The following COL6A3 variants were observed in gnomAD, a reference collection of about 807,000 sequenced individuals.
COL6A3 encodes the protein collagen type VI alpha 3 chain.
A neutral mutation model predicts 274.1 loss-of-function variants in COL6A3; 137 were observed. That is an observed-to-expected ratio of 0.50 (90% CI 0.44 to 0.58). The LOEUF (loss-of-function observed/expected upper bound fraction) is 0.58, where lower values mean the gene tolerates loss of function less well. Ranked by LOEUF, COL6A3 falls within the 20% of genes least tolerant of loss-of-function variation. The pLI is 0.00. For synonymous variants in COL6A3, 1,650 were observed against 1,650.6 expected, an observed-to-expected ratio of 1.00 and a Z score of 0.01; for missense variants, 3,950 against 4,124.9, an observed-to-expected ratio of 0.96 and a Z score of 1.16.
Position 237,358,514 on chromosome 2 carries a change from T to C in COL6A3, c.6471+7A>G, listed in dbSNP as rs1231879885. The C allele has an allele frequency of 1.2e-6, 2 of 1,613,170 alleles. No individual in the cohort carries two copies. The highest frequency in any genetic ancestry group is 1.7e-6 in the Non-Finnish European group (2 of 1,179,140). On this transcript the variant is annotated splice_region_variant and intron_variant, in intron 21 of 43. Transcript: ENST00000295550. ...AGGTCTGAAATCGTCAATAAAGAAA[T>C]CTTTACCGGGTCCCCTCGAATCCCA...
intron 9 of COL6A3, 115 bp from the exon 10 acceptor site, chr2:237,369,292 C>G: frequency 7.1e-7 from 1 of 1,399,294 alleles, no homozygotes; most frequent in Non-Finnish European, 9.7e-7. Context: ...TCCCAAGATG[C>G]CTGTGTTGTT....
At chr2:237,358,157 G>T (rs1280462460) in intron 21 of COL6A3, among the ~76,000 whole-genome samples, 1 of 152,186 alleles carries the variant, frequency 6.6e-6, no homozygotes, top group Non-Finnish European at 1.5e-5. Flanking sequence ...GGCCACAGAG[G>T]CAGGATGGAC....
intron 3 of COL6A3, among the ~76,000 whole-genome samples, chr2:237,390,684 G>A (rs2078265698): frequency 6.6e-6 from 1 of 152,146 alleles, no homozygotes; most frequent in African/African-American, 2.4e-5. Context: ...ACTGGTGTGG[G>A]CACAATGCCT....
rs777383519 is a variant in COL6A3 at position 237,341,169 on chromosome 2, G to A, written c.7766-19C>T. 3.7e-6 allele frequency: 6 copies of A among 1,610,288 alleles called. No individual in the cohort carries two copies. Among genetic ancestry groups the A allele is most frequent in the Non-Finnish European group, 5.1e-6 (6 of 1,176,946 alleles). On this transcript the variant is annotated intron_variant, in intron 37 of 43. Transcript: ENST00000295550. ...CAGATGTCTAGAAAGAAGCATGGCA[G>A]CCTATTTGTTCTGTGACACCCACAG...
intron 13 of COL6A3, among the ~76,000 whole-genome samples, chr2:237,363,853 C>T (rs79129076): frequency 6.6e-6 from 1 of 152,186 alleles, no homozygotes; most frequent in Non-Finnish European, 1.5e-5. Context: ...TGCTACCAAA[C>T]GCCAAAGCAA....
Position 237,340,681 on chromosome 2 carries a change from G to T in COL6A3, c.8235C>A (p.Gly2745=), listed in dbSNP as rs534728020. The T allele has an allele frequency of 1.8e-5, 29 of 1,614,052 alleles. No individual in the cohort carries two copies. Among genetic ancestry groups the T allele is most frequent in the Middle Eastern group, 1.6e-4 (1 of 6,082 alleles). ...CCTCCAGCTGCTGCTCCGGCACCTC[G>T]CCCGTCAGCATCAGGACCACAATTT... ...DLKIVVLMLT[G]EVPEQQLEEA... Residue 2745 remains glycine (G), a synonymous_variant, in exon 38 of 44, where the codon GGC becomes GGA. Transcript: ENST00000295550.
intron 1 of COL6A3, among the ~76,000 whole-genome samples, chr2:237,400,635 A>T (rs1175740694): frequency 6.6e-6 from 1 of 152,050 alleles, no homozygotes; most frequent in South Asian, 2.1e-4. Context: ...TAAAAAAAAA[A>T]CAAAAAACCC....
rs569662223 is a variant in COL6A3 at position 237,344,662 on chromosome 2, G to A, written c.7356C>T (p.Asn2452=). 55 of 1,612,814 alleles carry A rather than the reference G, an allele frequency of 3.4e-5. No individual in the cohort carries two copies. Among genetic ancestry groups the A allele is most frequent in the Admixed American group, 2.3e-4 (14 of 59,954 alleles). The part of the protein sequence containing the change: ...GARVAVVTYN[N]EVTTEIRFAD... Reference sequence around the variant, plus strand: ...CAAACCGGATCTCCGTGGTCACCTCGTTGTTGTAGGTGACCACAGCCACCC... The same window carrying A: ...CAAACCGGATCTCCGTGGTCACCTCATTGTTGTAGGTGACCACAGCCACCC... Residue 2452 remains asparagine (N), a synonymous_variant, in exon 36 of 44, where the codon AAC becomes AAT. Coordinates refer to ENST00000295550, the MANE Select transcript of COL6A3 (RefSeq NM_004369.4). This position sits in a 1 kb window ranked among gnomAD's most constrained non-coding sequence, Gnocchi z 4.8.
chr2:237,388,039 C>T lies in COL6A3; in HGVS notation c.855G>A (p.Gln285=). 6.2e-7 allele frequency: 1 copy of T among 1,614,214 alleles called. No individual in the cohort carries two copies. The highest frequency in any genetic ancestry group is 8.5e-7 in the Non-Finnish European group (1 of 1,180,044). The change falls in exon 4 of 44, where the codon CAG becomes CAA. Residue 285 remains glutamine, a synonymous_variant. Transcript: ENST00000295550. The part of the protein sequence containing the change: ...GTQQIRVGVV[Q]FSDEPRTMFS... ...ACATGGTTCTGGGCTCATCGCTAAA[C>T]TGGACCACCCCCACTCGGATCTGCT...
At chr2:237,332,070 C>CAT (rs58082340) in intron 42 of COL6A3, among the ~76,000 whole-genome samples, 18 of 35,182 alleles carry the variant, frequency 5.1e-4, no homozygotes, top group Non-Finnish European at 7.7e-4. Context: ...TCTCTCTCTA[C>CAT]ATATATATAT....
In COL6A3 at chr2:237,363,245, A is replaced by C. The variant is rs1171003491; in HGVS notation, c.6063+8T>G. The C allele has an allele frequency of 1.9e-6, 3 of 1,614,086 alleles. No individual in the cohort carries two copies. Among genetic ancestry groups the C allele is most frequent in the Non-Finnish European group, 2.5e-6 (3 of 1,179,998 alleles). ...TGGTCTGTGTATAAAGACATAAAAAAAACTCACAAGCTGCTCCGCTAGTTC... is the reference window on the plus strand; with the variant it reads ...TGGTCTGTGTATAAAGACATAAAAACAACTCACAAGCTGCTCCGCTAGTTC... On this transcript the variant is annotated splice_region_variant and intron_variant, in intron 14 of 43. Coordinates refer to ENST00000295550, the MANE Select transcript of COL6A3 (RefSeq NM_004369.4).
chr2:237,365,861 T>C lies in COL6A3; in HGVS notation c.5675A>G (p.Asn1892Ser). The change falls in exon 12 of 44, where the codon AAC becomes AGC. Residue 1892 changes from asparagine to serine, a missense_variant. Coordinates refer to ENST00000295550, the MANE Select transcript of COL6A3 (RefSeq NM_004369.4). The stretch of plus-strand genomic sequence containing the variant: ...GGCCTCCACCGGGCCCGAGGGCGTG[T>C]TGGCCACCACTGACACACGCACGGT... ...SPTVRVSVVA[N>S]TPSGPVEAFD... is the part of the protein sequence containing the mutation. 1 of 1,614,188 alleles carries C rather than the reference T, an allele frequency of 6.2e-7. No individual in the cohort carries two copies. The highest frequency in any genetic ancestry group is 8.5e-7 in the Non-Finnish European group (1 of 1,180,038).
At chr2:237,331,740 T>G (rs1191130908) in intron 42 of COL6A3, among the ~76,000 whole-genome samples, 1 of 147,194 alleles carries the variant, frequency 6.8e-6, no homozygotes, top group Non-Finnish European at 1.5e-5. Context: ...AAAAAAAAGG[T>G]AATTTATGTC....
chr2:237,404,696 C>A (rs2078678931), intron 1 of COL6A3, among the ~76,000 whole-genome samples: 2 of 152,156 alleles, frequency 1.3e-5, no homozygotes, highest in South Asian at 4.1e-4. Context: ...CATTCCCATA[C>A]CTCACACAGT....
At chr2:237,370,375 A>G (rs560264361) in intron 9 of COL6A3, among the ~76,000 whole-genome samples, 1 of 151,730 alleles carries the variant, frequency 6.6e-6, no homozygotes, top group East Asian at 1.9e-4. Context: ...AGTAGCTGGG[A>G]CTACAGGTGT....
At position 237,334,707 on chromosome 2, in the gene COL6A3, C is replaced by T. The variant is rs114596320; in HGVS notation, c.9148G>A (p.Ala3050Thr). 701 of 1,613,984 alleles carry T rather than the reference C, an allele frequency of 4.3e-4. 3 individuals are homozygous for T. The East Asian group carries it at 0.013, about 31-fold the overall frequency. ...VTDRVIGGLL[A>T]GQTYHVAVVC... is the part of the protein sequence containing the mutation. The stretch of plus-strand genomic sequence containing the variant: ...ACAGCCACATGGTATGTCTGCCCAG[C>T]GAGCAGGCCTCCAATGACGCGGTCC... Residue 3050 changes from alanine (A) to threonine (T), a missense_variant, in exon 41 of 44, where the codon GCT (alanine) becomes ACT (threonine). Coordinates refer to ENST00000295550, the MANE Select transcript of COL6A3 (RefSeq NM_004369.4).
Position 237,324,792 on chromosome 2 carries a change from G to T in COL6A3, c.9516C>A (p.Ile3172=). 6.2e-7 allele frequency: 1 copy of T among 1,613,726 alleles called. No homozygotes were observed. The highest frequency in any genetic ancestry group is 1.1e-5 in the South Asian group (1 of 91,068). The change falls in exon 44 of 44, where the codon ATC becomes ATA. Residue 3172 remains isoleucine, a synonymous_variant. Coordinates refer to ENST00000295550, the MANE Select transcript of COL6A3 (RefSeq NM_004369.4). ...CCCACGCTTAGGTTCCCATCACACTGATGACTCCGGGTTTGGCGAGCACTG... is the reference window on the plus strand; with the variant it reads ...CCCACGCTTAGGTTCCCATCACACTTATGACTCCGGGTTTGGCGAGCACTG... ...CAPVLAKPGV[I]SVMGT
chr2:237,373,021 C>G (rs1348440486), intron 8 of COL6A3, among the ~76,000 whole-genome samples: 1 of 152,114 alleles, frequency 6.6e-6, no homozygotes, highest in Non-Finnish European at 1.5e-5. Flanking sequence ...GGGGACAGCT[C>G]TCTTTGGGTT....
intron 22 of COL6A3, 128 bp from the exon 23 acceptor site, chr2:237,357,519 G>A: frequency 2.2e-6 from 2 of 920,286 alleles, no homozygotes; most frequent in Non-Finnish European, 3.6e-6. Context: ...CAGGACAGTT[G>A]CACACTTTGC....
Sources: allele counts gnomAD v4.1 joint callset (sites outside exome capture counted in the v4.1 genomes callset), GRCh38; gene constraint gnomAD v4.1.1; non-coding constraint Gnocchi (gnomAD v3.1); transcripts MANE v1.5; gene names NCBI Gene and HGNC (gene_info 2026-07-23, HGNC 2026-07-21).